KARS1: variants seen among roughly 807,000 people sequenced by gnomAD.
KARS1 encodes the protein lysyl-tRNA synthetase 1.
KARS1 carries 50 observed loss-of-function variants against 63.9 expected under a neutral mutation model. The ratio of observed to expected loss-of-function variants is 0.78; its 90% CI spans 0.62 to 0.99. KARS1 has a LOEUF of 0.99. Ranked by LOEUF, KARS1 falls within the 50% of genes least tolerant of loss-of-function variation. The pLI, the probability that KARS1 is intolerant of heterozygous loss-of-function variation, is 0.00. For synonymous variants in KARS1, 320 were observed against 264.6 expected, an observed-to-expected ratio of 1.21 and a Z score of -2.03; for missense variants, 816 against 754.5, an observed-to-expected ratio of 1.08 and a Z score of -0.95.
chr16:75,634,156 G>A lies in KARS1; in HGVS notation c.915+17C>T, dbSNP rs1161327335. ...TTCTGCTTCTTTAAGGGAAAAGGGT[G>A]TACTATTACTGACTACCTTATGATA... On this transcript the variant is annotated intron_variant, in intron 7 of 13. Transcript: ENST00000302445. 1.2e-6 allele frequency: 2 copies of A among 1,612,552 alleles called. No individual in the cohort carries two copies. Among genetic ancestry groups the A allele is most frequent in the African/African-American group, 2.7e-5 (2 of 74,912 alleles).
chr16:75,638,633 T>C (rs1318387345), intron 3 of KARS1, among the ~76,000 whole-genome samples: 3 of 152,022 alleles, frequency 2.0e-5, no homozygotes, highest in African/African-American at 7.2e-5. Flanking sequence ...AAGTAAAAAA[T>C]CTTTCAGAAA....
At chr16:75,642,295 G>A (rs541697308) in intron 1 of KARS1, among the ~76,000 whole-genome samples, 5 of 147,350 alleles carry the variant, frequency 3.4e-5, no homozygotes, top group Admixed American at 7.0e-5. Context: ...TCTGCCTCCC[G>A]GGTTTCAAGA....
chr16:75,636,344 G>A (rs576931513), intron 4 of KARS1, 110 bp downstream of exon 4: 1 of 855,030 alleles, frequency 1.2e-6, no homozygotes, highest in East Asian at 2.4e-5. Flanking sequence ...CCCCAACCAT[G>A]TCCCACTCCT....
At chr16:75,643,631 G>T (rs2082248760) in intron 1 of KARS1, among the ~76,000 whole-genome samples, 1 of 152,106 alleles carries the variant, frequency 6.6e-6, no homozygotes, top group South Asian at 2.1e-4. Flanking sequence ...TGCCTGTCTT[G>T]GCCTCCCAAA....
At chr16:75,647,130 G>T (rs1201044018) in intron 1 of KARS1, among the ~76,000 whole-genome samples, 1 of 152,152 alleles carries the variant, frequency 6.6e-6, no homozygotes, top group African/African-American at 2.4e-5. Flanking sequence ...AATACATAAC[G>T]TTCAGAATGA....
intron 7 of KARS1, among the ~76,000 whole-genome samples, 161 bp from the exon 8 acceptor site, chr16:75,632,016 T>C (rs1194633207): frequency 6.6e-6 from 1 of 152,172 alleles, no homozygotes; most frequent in East Asian, 1.9e-4. Context: ...GCCTCCCTAG[T>C]AGCTGGGATT....
At chr16:75,631,018 TAA>T in intron 10 of KARS1, 148 bp downstream of exon 10, 2 of 694,298 alleles carry the variant, frequency 2.9e-6, no homozygotes, top group South Asian at 3.2e-5. Context: ...GTATGACAGT[TAA>T]AAGTCTGTTA....
chr16:75,640,724 C>A (rs186721059), intron 2 of KARS1, among the ~76,000 whole-genome samples: 1 of 152,180 alleles, frequency 6.6e-6, no homozygotes, highest in South Asian at 2.1e-4. Context: ...CTACCTCTGG[C>A]GACACATCAG....
Position 75,636,556 on chromosome 16 carries a change from A to G in KARS1, c.389-9T>C. 6.4e-7 allele frequency: 1 copy of G among 1,551,620 alleles called. No homozygotes were observed. Among genetic ancestry groups the G allele is most frequent in the Non-Finnish European group, 8.9e-7 (1 of 1,123,920 alleles). ...TTTGGCATGGATCCTACCTAGAAAA[A>G]GAAGAGCAAAAATACTGACTGACAG... On this transcript the variant is annotated splice_polypyrimidine_tract_variant and intron_variant, in intron 3 of 13. Coordinates refer to ENST00000302445, the MANE Select transcript of KARS1 (RefSeq NM_005548.3).
rs768175346 is a variant in KARS1, at chr16:75,647,567, G to C, written c.62+11C>G. On this transcript the variant is annotated intron_variant, in intron 1 of 13. Coordinates refer to ENST00000302445, the MANE Select transcript of KARS1 (RefSeq NM_005548.3). ...ACCGCAAAGGCTTTAAAGACTCGCA[G>C]CGACACTCACTTCTTGCTCAGTTTC... 2.5e-6 allele frequency: 4 copies of C among 1,612,322 alleles called. No individual in the cohort carries two copies. In the South Asian group the frequency reaches 4.4e-5, roughly 18 times the overall value.
intron 2 of KARS1, among the ~76,000 whole-genome samples, chr16:75,640,629 G>A (rs1423055994): frequency 1.3e-5 from 2 of 152,180 alleles, no homozygotes; most frequent in Non-Finnish European, 2.9e-5. Context: ...GGTACAGGTG[G>A]CCTTGTTGTC....
At position 75,641,736 on chromosome 16, in the gene KARS1, T is replaced by C. The variant is rs1362723861; in HGVS notation, c.63-13A>G. On this transcript the variant is annotated splice_polypyrimidine_tract_variant and intron_variant, in intron 1 of 13. Coordinates refer to ENST00000302445, the MANE Select transcript of KARS1 (RefSeq NM_005548.3). The stretch of plus-strand genomic sequence containing the variant: ...TCTCTTCAGCTCACTGTTGGAAAGA[T>C]GAAAGCGTTCAATGTGTTAGCTGCC... 3.1e-6 allele frequency: 5 copies of C among 1,613,464 alleles called. No individual in the cohort carries two copies. In the South Asian group the frequency reaches 3.3e-5, roughly 11 times the overall value.
intron 10 of KARS1, 134 bp from the exon 11 acceptor site, chr16:75,630,642 A>T (rs1235743014): frequency 5.4e-6 from 2 of 368,026 alleles, no homozygotes; most frequent in African/African-American, 2.2e-5. Context: ...TATTATTATT[A>T]TTATTATTAT....
intron 1 of KARS1, among the ~76,000 whole-genome samples, chr16:75,646,565 TTC>T (rs2082286542): frequency 6.6e-6 from 1 of 151,698 alleles, no homozygotes; most frequent in African/African-American, 2.4e-5. Flanking sequence ...GAAACATCAT[TTC>T]TCTTTTCTTT....
intron 3 of KARS1, among the ~76,000 whole-genome samples, chr16:75,638,992 A>T (rs999804090): frequency 6.7e-6 from 1 of 148,160 alleles, no homozygotes; most frequent in Non-Finnish European, 1.5e-5. Context: ...ACATGGTGAA[A>T]CTCCGTCTCT....
In KARS1 at chr16:75,631,186, T is replaced by C; in HGVS notation, c.1320A>G (p.Thr440=). Reference sequence around the variant, plus strand: ...TTCTCACCTTGTCAAGGAGCCTGGCTGTGGTCCGAGGTGGAGGGCATTCAA... The same window carrying C: ...TTCTCACCTTGTCAAGGAGCCTGGCCGTGGTCCGAGGTGGAGGGCATTCAA... ...KAVECPPPRT[T]ARLLDKLVGE... is the part of the protein sequence containing the mutation. The change falls in exon 10 of 14, where the codon ACA becomes ACG. Residue 440 remains threonine (T), a synonymous_variant. Coordinates refer to ENST00000302445, the MANE Select transcript of KARS1 (RefSeq NM_005548.3). The C allele has an allele frequency of 6.2e-7, 1 of 1,613,996 alleles. No homozygotes were observed. Among genetic ancestry groups the C allele is most frequent in the Non-Finnish European group, 8.5e-7 (1 of 1,179,908 alleles).
At chr16:75,635,597 C>G in intron 6 of KARS1, 83 bp downstream of exon 6, 1 of 1,458,106 alleles carries the variant, frequency 6.9e-7, no homozygotes, top group Non-Finnish European at 9.6e-7. Flanking sequence ...ACACAGGATA[C>G]GCTTTGGAAA....
At chr16:75,630,691 A>G (rs1302363418) in intron 10 of KARS1, among the ~76,000 whole-genome samples, 183 bp from the exon 11 acceptor site, 1 of 152,050 alleles carries the variant, frequency 6.6e-6, no homozygotes, top group African/African-American at 2.4e-5. Flanking sequence ...GCTGGAGTGC[A>G]GTGGCATGAT....
chr16:75,634,101 T>C, intron 7 of KARS1, 72 bp downstream of exon 7: 4 of 1,510,062 alleles, frequency 2.6e-6, no homozygotes, highest in Non-Finnish European at 3.7e-6. Context: ...TATTTCTGAC[T>C]ATACCCATCT....
Sources: allele counts gnomAD v4.1 joint callset (sites outside exome capture counted in the v4.1 genomes callset), GRCh38; gene constraint gnomAD v4.1.1; transcripts MANE v1.5; gene names NCBI Gene and HGNC (gene_info 2026-07-23, HGNC 2026-07-21).